EVI5: variants seen among roughly 807,000 people sequenced by gnomAD.
EVI5 encodes the protein ecotropic viral integration site 5 protein homolog.
Under a neutral mutation model 112.0 loss-of-function variants are expected in EVI5, and 73 were observed. The observed-to-expected ratio is 0.65, with a 90% CI of 0.54 to 0.79. The LOEUF is 0.79. Among genes scored for constraint, EVI5 ranks in the 30% least tolerant of loss-of-function variants. EVI5 has a pLI of 0.00. For missense variants in EVI5, 900 were observed against 968.8 expected (o/e 0.93, Z 0.94); for synonymous variants, 305 against 319.9 (o/e 0.95, Z 0.50).
rs762528857 is a variant in EVI5, at chr1:92,605,298, A to T, written c.2070+9T>A. On this transcript the variant is annotated intron_variant, in intron 18 of 19. Coordinates refer to ENST00000684568, the MANE Select transcript of EVI5 (RefSeq NM_001350197.2). ...TTTTTACATGTACTTTATTATTTTC[A>T]TATGGTACCTGGATTTCAAGCTCAG... The T allele has an allele frequency of 1.3e-6, 2 of 1,570,510 alleles. No individual in the cohort carries two copies. The highest frequency in any genetic ancestry group is 1.1e-5 in the South Asian group (1 of 89,944).
chr1:92,666,098 G>A (rs1664839906), intron 10 of EVI5, 106 bp from the exon 11 acceptor site: 3 of 682,586 alleles, frequency 4.4e-6, no homozygotes, highest in Non-Finnish European at 7.5e-6. Context: ...TAAGAAAGGA[G>A]TCTAAGGAAT....
chr1:92,596,263 G>C (rs1034927383), intron 18 of EVI5, among the ~76,000 whole-genome samples: 1 of 152,138 alleles, frequency 6.6e-6, no homozygotes, highest in African/African-American at 2.4e-5. Context: ...TGGAGGCTCA[G>C]GTGGGAGGAT....
intron 13 of EVI5, among the ~76,000 whole-genome samples, chr1:92,657,452 C>A (rs1374122816): frequency 6.6e-6 from 1 of 152,108 alleles, no homozygotes; most frequent in African/African-American, 2.4e-5. Flanking sequence ...CGCTTGAGCC[C>A]TGGAGTTCAA....
At chr1:92,711,864 C>A (rs1394958645) in intron 2 of EVI5, among the ~76,000 whole-genome samples, 1 of 152,138 alleles carries the variant, frequency 6.6e-6, no homozygotes, top group African/African-American at 2.4e-5. Context: ...TTTTAAACAA[C>A]AGAAATTTAT....
At chr1:92,620,430 C>A (rs2101737332) in intron 16 of EVI5, among the ~76,000 whole-genome samples, 1 of 139,890 alleles carries the variant, frequency 7.1e-6, no homozygotes. Context: ...CAAAGAAACT[C>A]AGAGAAAAAA....
At chr1:92,680,162 C>T (rs560345549) in intron 9 of EVI5, among the ~76,000 whole-genome samples, 5 of 152,248 alleles carry the variant, frequency 3.3e-5, no homozygotes, top group Admixed American at 1.3e-4. Flanking sequence ...CCACACCCAG[C>T]GTGTCAGTGG....
At chr1:92,762,407 A>G (rs1039854513) in intron 1 of EVI5, among the ~76,000 whole-genome samples, 1 of 152,222 alleles carries the variant, frequency 6.6e-6, no homozygotes, top group African/African-American at 2.4e-5. Context: ...ACCCTGAGAT[A>G]TATTTTACTG....
chr1:92,720,930 A>G (rs1387208649), intron 2 of EVI5, among the ~76,000 whole-genome samples: 1 of 152,244 alleles, frequency 6.6e-6, no homozygotes, highest in African/African-American at 2.4e-5. Context: ...AATGCTCATC[A>G]TCACTGGTCA....
chr1:92,604,269 C>T (rs1649853857), intron 18 of EVI5, among the ~76,000 whole-genome samples: 1 of 151,634 alleles, frequency 6.6e-6, no homozygotes, highest in African/African-American at 2.4e-5. Context: ...CTGATGAGGA[C>T]TGCTTGAGCC....
rs1164505987 is a variant in EVI5 at position 92,513,719 on chromosome 1, G to A, written c.2418C>T (p.Ser806=). 2 of 1,612,938 alleles carry A rather than the reference G, an allele frequency of 1.2e-6. No individual in the cohort carries two copies. Among genetic ancestry groups the A allele is most frequent in the East Asian group, 4.5e-5 (2 of 44,874 alleles). ...GCCGCTCCTTTTGAACCACTTGGTT[G>A]CTCTCTCTGGTCTCCAGCACACTGT... The part of the protein sequence containing the change: ...TEDSVLETRE[S]NQVVQKERPP... Residue 806 remains serine, a synonymous_variant, in exon 20 of 20, where the codon AGC becomes AGT. Transcript: ENST00000684568.
intron 18 of EVI5, among the ~76,000 whole-genome samples, chr1:92,575,466 A>G (rs1670913547): frequency 6.6e-6 from 1 of 151,276 alleles, no homozygotes; most frequent in Non-Finnish European, 1.5e-5. Flanking sequence ...GACTCAAAAT[A>G]TTTTATAACT....
intron 2 of EVI5, among the ~76,000 whole-genome samples, chr1:92,706,853 T>C (rs1276338886): frequency 6.6e-6 from 1 of 152,132 alleles, no homozygotes; most frequent in East Asian, 1.9e-4. Flanking sequence ...TAAGCCTAAA[T>C]ATAACAAAAC....
At chr1:92,541,829 T>C (rs898976486) in intron 19 of EVI5, among the ~76,000 whole-genome samples, 1 of 152,222 alleles carries the variant, frequency 6.6e-6, no homozygotes, top group African/African-American at 2.4e-5. Context: ...GTCTGTTAAG[T>C]GTGCAACAGT....
At chr1:92,517,058 A>G (rs2101664442) in intron 19 of EVI5, among the ~76,000 whole-genome samples, 1 of 152,318 alleles carries the variant, frequency 6.6e-6, no homozygotes, top group Middle Eastern at 3.4e-3. Context: ...GTGAAATCCC[A>G]GAATATACAT....
At chr1:92,577,985 T>C (rs949875513) in intron 18 of EVI5, among the ~76,000 whole-genome samples, 1 of 152,210 alleles carries the variant, frequency 6.6e-6, no homozygotes, top group African/African-American at 2.4e-5. Flanking sequence ...GTAGCTTTTG[T>C]CTTTTCCCTG....
chr1:92,603,289 T>C (rs1490186301), intron 18 of EVI5, among the ~76,000 whole-genome samples: 1 of 152,202 alleles, frequency 6.6e-6, no homozygotes, highest in African/African-American at 2.4e-5. Flanking sequence ...GAAAATGGTA[T>C]GGCAATTTCT....
At position 92,636,370 on chromosome 1, in the gene EVI5, A is replaced by G. The variant is rs1406104913; in HGVS notation, c.1393-34T>C. ...TACAGACATACACTGAAATTTCATG[A>G]AAGTATAAACATGTATATACAATAA... On this transcript the variant is annotated intron_variant, in intron 13 of 19. Coordinates refer to ENST00000684568, the MANE Select transcript of EVI5 (RefSeq NM_001350197.2). The G allele has an allele frequency of 1.1e-5, 17 of 1,590,994 alleles. No homozygotes were observed. The South Asian group carries it at 1.9e-4, about 18-fold the overall frequency.
chr1:92,682,546 G>A (rs1667768208), intron 9 of EVI5, among the ~76,000 whole-genome samples: 1 of 152,122 alleles, frequency 6.6e-6, no homozygotes, highest in Non-Finnish European at 1.5e-5. Flanking sequence ...TGGATCACCT[G>A]AGGTCAGGAG....
chr1:92,731,461 C>T (rs1421698434), intron 2 of EVI5, among the ~76,000 whole-genome samples: 4 of 152,156 alleles, frequency 2.6e-5, no homozygotes, highest in Non-Finnish European at 4.4e-5. Context: ...TTGAGAAATA[C>T]ATTGTGTTCA....
Sources: allele counts gnomAD v4.1 joint callset (sites outside exome capture counted in the v4.1 genomes callset), GRCh38; gene constraint gnomAD v4.1.1; transcripts MANE v1.5; gene names NCBI Gene and HGNC (gene_info 2026-07-23, HGNC 2026-07-21).